MYO5A: variants seen among roughly 807,000 people sequenced by gnomAD.
MYO5A encodes the protein unconventional myosin-Va.
A neutral mutation model predicts 249.7 loss-of-function variants in MYO5A; 98 were observed. The observed-to-expected ratio is 0.39, with a 90% confidence interval of 0.33 to 0.46. MYO5A has a LOEUF of 0.46. MYO5A is among the 20% of genes least tolerant of loss of function. MYO5A has a pLI of 0.98. For synonymous variants in MYO5A, 778 were observed against 810.6 expected, an observed-to-expected ratio of 0.96 and a Z score of 0.68; for missense variants, 1,696 against 2,308.8, an observed-to-expected ratio of 0.73 and a Z score of 5.44.
At chr15:52,460,217 G>T (rs977774395) in intron 1 of MYO5A, among the ~76,000 whole-genome samples, 1 of 152,152 alleles carries the variant, frequency 6.6e-6, no homozygotes, top group Admixed American at 6.5e-5. Context: ...CGGCCAGGCC[G>T]AGACGCTCCT....
At chr15:52,345,196 T>C (rs992263058) in intron 30 of MYO5A, among the ~76,000 whole-genome samples, 3 of 152,212 alleles carry the variant, frequency 2.0e-5, no homozygotes, top group African/African-American at 7.2e-5. Context: ...AAATCATCTC[T>C]AGATTACTTA....
At chr15:52,483,794 G>A (rs912924390) in intron 1 of MYO5A, among the ~76,000 whole-genome samples, 2 of 152,322 alleles carry the variant, frequency 1.3e-5, no homozygotes, top group Non-Finnish European at 1.5e-5. Context: ...CCTTATGACA[G>A]CCCTAATTGT....
chr15:52,401,436 G>A (rs1199741554), intron 9 of MYO5A, among the ~76,000 whole-genome samples: 1 of 152,064 alleles, frequency 6.6e-6, no homozygotes, highest in Non-Finnish European at 1.5e-5. Flanking sequence ...ATATTTTAAC[G>A]GGATATATAA....
rs1004928930 is a variant in MYO5A, at chr15:52,308,431, C to G, written c.*5265G>C. ...TCTTAAAAAATTTTGAAAAGAATGTCCACAAAAAGTTTGAGTTATACCCTT... is the reference window on the plus strand; with the variant it reads ...TCTTAAAAAATTTTGAAAAGAATGTGCACAAAAAGTTTGAGTTATACCCTT... On this transcript the variant is annotated 3_prime_UTR_variant, in exon 42 of 42. Coordinates refer to ENST00000399233, the MANE Select transcript of MYO5A (RefSeq NM_001382347.1). 4 of 152,132 alleles carry G rather than the reference C, an allele frequency of 2.6e-5. No individual in the cohort carries two copies. The highest frequency in any genetic ancestry group is 4.4e-5 in the Non-Finnish European group (3 of 68,020). 9.4% of individuals were successfully genotyped at this position (152,132 alleles called of 1,614,324 possible).
rs2040059927 is a variant in MYO5A, at chr15:52,353,638, A to C, written c.3588T>G (p.Ile1196Met). Residue 1196 changes from isoleucine (I) to methionine (M), a missense_variant, in exon 27 of 42, where the codon ATT (isoleucine) becomes ATG (methionine). By Grantham distance (10) the Ile-to-Met change is conservative. Coordinates refer to ENST00000399233, the MANE Select transcript of MYO5A (RefSeq NM_001382347.1). Reference sequence around the variant, plus strand: ...ACTCATATTCCAGTTCTGCACCTCTAATTTGTGGTCTTTCTTCTTCCTAGG... The same window carrying C: ...ACTCATATTCCAGTTCTGCACCTCTCATTTGTGGTCTTTCTTCTTCCTAGG... ...SKAKEEERPQIRGAELEYESL... is the reference protein window; with the variant it reads ...SKAKEEERPQMRGAELEYESL... The C allele has an allele frequency of 1.2e-6, 2 of 1,613,652 alleles. No individual in the cohort carries two copies. Among genetic ancestry groups the C allele is most frequent in the Non-Finnish European group, 1.7e-6 (2 of 1,179,668 alleles).
In MYO5A at chr15:52,384,380, T is replaced by C. The variant is rs960797701; in HGVS notation, c.1753-58A>G. On this transcript the variant is annotated intron_variant, in intron 14 of 41. Coordinates refer to ENST00000399233, the MANE Select transcript of MYO5A (RefSeq NM_001382347.1). The stretch of plus-strand genomic sequence containing the variant: ...CTAAACCAAACTTGAACGCAAACCT[T>C]CACAAAAGAAATATTACAGAGATTC... The C allele has an allele frequency of 1.0e-5, 16 of 1,525,074 alleles. No homozygotes were observed. The African/African-American group carries it at 2.2e-4, about 21-fold the overall frequency. 94.5% of individuals were successfully genotyped at this position (1,525,074 alleles called of 1,614,324 possible).
rs1257162091 is a variant in MYO5A, at chr15:52,391,993, C to T, written c.1479G>A (p.Gln493=). The change falls in exon 12 of 42, where the codon CAG becomes CAA. Residue 493 remains glutamine (Q), a synonymous_variant. Transcript: ENST00000399233. ...TTGATTCTATAAGATTAATACAAGGCTGATTATCATAAAAATCTATGAGTG... is the reference window on the plus strand; with the variant it reads ...TTGATTCTATAAGATTAATACAAGGTTGATTATCATAAAAATCTATGAGTG... The part of the protein sequence containing the change: ...PWTLIDFYDN[Q]PCINLIESKL... 1 of 1,611,644 alleles carries T rather than the reference C, an allele frequency of 6.2e-7. No individual in the cohort carries two copies. The highest frequency in any genetic ancestry group is 1.3e-5 in the African/African-American group (1 of 74,926).
intron 1 of MYO5A, among the ~76,000 whole-genome samples, chr15:52,461,266 T>C (rs1025007144): frequency 6.6e-5 from 10 of 152,182 alleles, no homozygotes; most frequent in African/African-American, 2.4e-4. Context: ...AGGTATGTTT[T>C]GTAAAAAGGA....
intron 1 of MYO5A, among the ~76,000 whole-genome samples, chr15:52,491,813 T>C (rs926717206): frequency 1.3e-5 from 2 of 152,060 alleles, no homozygotes; most frequent in Non-Finnish European, 2.9e-5. Flanking sequence ...AAGCAACACA[T>C]TGAACTACAC....
intron 1 of MYO5A, 152 bp downstream of exon 1, chr15:52,528,628 C>T (rs748438647): frequency 5.6e-6 from 5 of 892,586 alleles, no homozygotes; most frequent in Non-Finnish European, 7.7e-6. Context: ...AGCGGGCGAC[C>T]GGCTGGTAGG....
chr15:52,405,038 CT>C (rs1484331049), intron 9 of MYO5A, among the ~76,000 whole-genome samples: 1 of 100,124 alleles, frequency 1.0e-5, no homozygotes, highest in Non-Finnish European at 2.1e-5. Context: ...CTCTCTCTTT[CT>C]CTCTCTCTCT....
intron 5 of MYO5A, among the ~76,000 whole-genome samples, chr15:52,413,159 A>T (rs959890305): frequency 1.3e-5 from 2 of 151,252 alleles, no homozygotes; most frequent in African/African-American, 4.9e-5. Flanking sequence ...AAAAAAAAAA[A>T]AAAAAAAAAA....
At chr15:52,323,877 G>A (rs903587707) in intron 36 of MYO5A, 12 of 237,618 alleles carry the variant, frequency 5.1e-5, no homozygotes, top group Non-Finnish European at 8.3e-5. Flanking sequence ...GGTGGCATAT[G>A]CCTGTAATCC....
At chr15:52,511,665 C>T (rs1046994995) in intron 1 of MYO5A, among the ~76,000 whole-genome samples, 4 of 152,132 alleles carry the variant, frequency 2.6e-5, no homozygotes, top group African/African-American at 9.7e-5. Flanking sequence ...GATCTTTTAC[C>T]CTCTCAGGTT....
rs1400382722 is a variant in MYO5A, at chr15:52,505,989, A to T, written c.27+22791T>A. On this transcript the variant is annotated intron_variant, in intron 1 of 41. Coordinates refer to ENST00000399233, the MANE Select transcript of MYO5A (RefSeq NM_001382347.1). ...ATCACTTTGGGAGGCTGAGGAGGGC[A>T]GATATCTTGAGGTCAGGAGTTCGAG... The T allele has an allele frequency of 6.4e-6, 5 of 784,452 alleles. No individual in the cohort carries two copies. The Admixed American group carries it at 9.2e-5, about 14-fold the overall frequency. 48.6% of individuals were successfully genotyped at this position (784,452 alleles called of 1,614,324 possible).
intron 12 of MYO5A, among the ~76,000 whole-genome samples, chr15:52,390,564 T>C (rs1411083766): frequency 1.3e-5 from 2 of 149,704 alleles, no homozygotes; most frequent in African/African-American, 2.4e-5. Flanking sequence ...TTTTTTCTTT[T>C]TTTTTTTTTT....
intron 1 of MYO5A, among the ~76,000 whole-genome samples, chr15:52,440,331 A>C (rs2075760873): frequency 1.3e-5 from 2 of 151,496 alleles, no homozygotes; most frequent in Admixed American, 1.3e-4. Context: ...GCAGTGGCAC[A>C]ATCTCTGCTC....
intron 1 of MYO5A, among the ~76,000 whole-genome samples, chr15:52,447,432 T>C (rs1446736323): frequency 6.6e-6 from 1 of 152,144 alleles, no homozygotes; most frequent in Non-Finnish European, 1.5e-5. Context: ...CTCTTTTCCT[T>C]ATAAATTCCC....
intron 14 of MYO5A, 46 bp from the exon 15 acceptor site, chr15:52,384,368 G>T: frequency 6.4e-7 from 1 of 1,574,372 alleles, no homozygotes; most frequent in Non-Finnish European, 8.7e-7. Flanking sequence ...AACCAAACTT[G>T]AACGCAAACC....
Sources: gnomAD v4.1 joint callset for allele counts (sites outside exome capture counted in the v4.1 genomes callset) on GRCh38, gnomAD v4.1.1 for gene constraint, MANE v1.5 for transcripts, NCBI Gene and HGNC (gene_info 2026-07-23, HGNC 2026-07-21) for gene names.